The following LMO7 variants were observed in gnomAD, a reference collection of about 807,000 sequenced individuals.
LMO7 encodes the protein LIM domain only protein 7.
A neutral mutation model predicts 206.5 loss-of-function variants in LMO7; 120 were observed. The observed-to-expected ratio is 0.58, with a 90% CI of 0.50 to 0.68. LMO7 has a LOEUF of 0.68. Ranked by LOEUF, LMO7 falls within the 30% of genes least tolerant of loss-of-function variation. LMO7 has a pLI of 0.00. For missense variants in LMO7, 1,959 were observed against 1,957.9 expected (o/e 1.00, Z -0.01); for synonymous variants, 706 against 681.5 (o/e 1.04, Z -0.56).
At chr13:75,854,052 T>C (rs17065145) in intron 28 of LMO7, among the ~76,000 whole-genome samples, 20,533 of 152,154 alleles carry the variant, frequency 0.13, 1,704 homozygotes, top group Admixed American at 0.22. Flanking sequence ...GTTATGTTTT[T>C]ATGTGGAGTG....
chr13:75,765,036 T>C (rs931060599), intron 4 of LMO7, among the ~76,000 whole-genome samples: 9 of 152,176 alleles, frequency 5.9e-5, no homozygotes, highest in African/African-American at 2.2e-4. Flanking sequence ...AAATTAGTGT[T>C]AACATATTCC....
chr13:75,776,437 C>T (rs1478073201), intron 4 of LMO7, among the ~76,000 whole-genome samples: 1 of 151,440 alleles, frequency 6.6e-6, no homozygotes, highest in Non-Finnish European at 1.5e-5. Flanking sequence ...TTTTTATACT[C>T]TATTGAAACT....
chr13:75,835,078 A>G (rs1428581160), intron 17 of LMO7, 155 bp from the exon 18 acceptor site: 3 of 831,828 alleles, frequency 3.6e-6, no homozygotes, highest in Non-Finnish European at 5.1e-6. Context: ...TTTTATATAT[A>G]TGTGCATTCA....
intron 1 of LMO7, among the ~76,000 whole-genome samples, chr13:75,642,038 A>G (rs898976431): frequency 6.6e-6 from 1 of 152,154 alleles, no homozygotes; most frequent in Admixed American, 6.5e-5. Context: ...AGGATCCTAG[A>G]AAAGAGAGGG....
intron 1 of LMO7, among the ~76,000 whole-genome samples, chr13:75,684,435 C>T (rs367919159): frequency 6.6e-5 from 10 of 151,328 alleles, no homozygotes; most frequent in Middle Eastern, 3.2e-3. Context: ...AGTAGAGACG[C>T]GGTTTCTCCA....
At chr13:75,664,793 ACC>A (rs1204575098) in intron 1 of LMO7, among the ~76,000 whole-genome samples, 1 of 152,214 alleles carries the variant, frequency 6.6e-6, no homozygotes, top group East Asian at 1.9e-4. Flanking sequence ...TACTAGAACT[ACC>A]AAGAAAAGTT....
At chr13:75,768,875 CAT>C in intron 4 of LMO7, among the ~76,000 whole-genome samples, 1 of 152,194 alleles carries the variant, frequency 6.6e-6, no homozygotes, top group East Asian at 1.9e-4. Flanking sequence ...GGACTTCTCT[CAT>C]TTGCTTTATT....
chr13:75,839,350 A>G (rs140556195), intron 20 of LMO7, among the ~76,000 whole-genome samples: 84 of 152,326 alleles, frequency 5.5e-4, no homozygotes, highest in Non-Finnish European at 9.1e-4. Flanking sequence ...AATTTTATTT[A>G]AAAAATTGTA....
chr13:75,647,486 C>T (rs1021045947), intron 1 of LMO7, among the ~76,000 whole-genome samples: 10 of 152,138 alleles, frequency 6.6e-5, no homozygotes, highest in Non-Finnish European at 1.5e-4. Flanking sequence ...AAGCAAGTAT[C>T]ATAAAAGAAA....
At chr13:75,799,178 A>G (rs1043097274) in intron 6 of LMO7, among the ~76,000 whole-genome samples, 3 of 152,326 alleles carry the variant, frequency 2.0e-5, no homozygotes, top group South Asian at 2.1e-4. Flanking sequence ...TGCTCCAGAC[A>G]CTTGTCAAAC....
At chr13:75,840,278 C>A in intron 21 of LMO7, 113 bp from the exon 22 acceptor site, 1 of 1,398,078 alleles carries the variant, frequency 7.2e-7, no homozygotes, top group East Asian at 2.3e-5. Flanking sequence ...TCCCTTGGTA[C>A]AGTTTAAGCA....
At chr13:75,716,612 G>T (rs1566343973) in intron 2 of LMO7, among the ~76,000 whole-genome samples, 1 of 152,042 alleles carries the variant, frequency 6.6e-6, no homozygotes, top group Non-Finnish European at 1.5e-5. Flanking sequence ...TTAGTTCCTT[G>T]TTATAATGTG....
intron 3 of LMO7, among the ~76,000 whole-genome samples, chr13:75,749,435 T>C (rs911885178): frequency 1.3e-5 from 2 of 152,246 alleles, no homozygotes; most frequent in Non-Finnish European, 2.9e-5. Context: ...ATTTTTGATG[T>C]AAAGTTTAAT....
At chr13:75,764,873 G>A (rs1319729195) in intron 4 of LMO7, among the ~76,000 whole-genome samples, 1 of 152,062 alleles carries the variant, frequency 6.6e-6, no homozygotes, top group Non-Finnish European at 1.5e-5. Flanking sequence ...CTATTATCTA[G>A]AGTATTGATA....
At chr13:75,765,824 G>A (rs1181761263) in intron 4 of LMO7, among the ~76,000 whole-genome samples, 2 of 152,046 alleles carry the variant, frequency 1.3e-5, no homozygotes, top group African/African-American at 4.8e-5. Context: ...AGATAGCCAC[G>A]TTTCTGAATG....
chr13:75,703,545 A>G (rs1351688051), intron 1 of LMO7, among the ~76,000 whole-genome samples: 1 of 152,218 alleles, frequency 6.6e-6, no homozygotes, highest in Non-Finnish European at 1.5e-5. Flanking sequence ...AGATGCTACC[A>G]CATAGGGTTG....
chr13:75,752,163 C>T (rs1318972759), intron 3 of LMO7, among the ~76,000 whole-genome samples: 1 of 151,738 alleles, frequency 6.6e-6, no homozygotes, highest in African/African-American at 2.4e-5. Flanking sequence ...ACAGAGTCTC[C>T]CTCTGTCACC....
At chr13:75,629,560 G>T (rs1382875659) in intron 2 of LMO7, among the ~76,000 whole-genome samples, 3 of 152,206 alleles carry the variant, frequency 2.0e-5, no homozygotes, top group African/African-American at 7.2e-5. Flanking sequence ...TTCTGGAAAA[G>T]GGAGAAGCAC....
chr13:75,839,817 C>G lies in LMO7; in HGVS notation c.3452-268C>G, dbSNP rs569947131. 24 of 312,292 alleles carry G rather than the reference C, an allele frequency of 7.7e-5. No homozygotes were observed. The East Asian group carries it at 9.3e-4, about 12-fold the overall frequency. 19.3% of individuals were successfully genotyped at this position (312,292 alleles called of 1,614,324 possible). A position where few individuals can be genotyped will look rare whatever the true frequency, so the allele number is the denominator to read the frequency against. On this transcript the variant is annotated intron_variant, in intron 20 of 30. Transcript: ENST00000377534. ...ACCCTGAAGCTTCTTCAGAAATATC[C>G]ATTGATCCTACTCTAATACCTAGAG...
Sources: allele counts gnomAD v4.1 joint callset (sites outside exome capture counted in the v4.1 genomes callset), GRCh38; gene constraint gnomAD v4.1.1; transcripts MANE v1.5; gene names NCBI Gene and HGNC (gene_info 2026-07-23, HGNC 2026-07-21).